PTPRD: variants seen among roughly 807,000 people sequenced by gnomAD.
The protein encoded by PTPRD is protein tyrosine phosphatase receptor type D, also known as receptor-type tyrosine-protein phosphatase delta.
Under a neutral mutation model 214.5 loss-of-function variants are expected in PTPRD, and 34 were observed. The ratio of observed to expected loss-of-function variants is 0.16; its 90% CI spans 0.12 to 0.21. The LOEUF (loss-of-function observed/expected upper bound fraction) is 0.21. Among genes scored for constraint, PTPRD ranks in the 10% least tolerant of loss-of-function variants. PTPRD has a pLI of 1.00. For missense variants in PTPRD, 2,545 were observed against 2,398.7 expected, an observed-to-expected ratio of 1.06 and a Z score of -1.27; for synonymous variants, 1,128 against 845.7, an observed-to-expected ratio of 1.33 and a Z score of -5.79.
In PTPRD at chr9:9,889,025, C is replaced by G. The variant is rs913630019; in HGVS notation, c.-368+49482G>C. ...GTGAAATAAGCTAGGTACAGAAAGA[C>G]AAACACTGCATGATCTCACTCATAT... On this transcript the variant is annotated intron_variant, in intron 5 of 45. Coordinates refer to ENST00000381196, the MANE Select transcript of PTPRD (RefSeq NM_002839.4). 5.3e-5 allele frequency among the ~76,000 whole-genome samples: 8 copies of G among 152,194 alleles called. No individual in the cohort carries two copies. The South Asian group carries it at 1.5e-3, about 28-fold the overall frequency.
intron 39 of PTPRD, among the ~76,000 whole-genome samples, chr9:8,366,562 G>A (rs1401913657): frequency 1.3e-5 from 2 of 152,162 alleles, no homozygotes; most frequent in African/African-American, 4.8e-5. Context: ...AAATAAGTGT[G>A]CTGTCCCAGA....
chr9:10,547,886 T>A (rs833456), intron 2 of PTPRD, among the ~76,000 whole-genome samples: 20,797 of 152,018 alleles, frequency 0.14, 2,154 homozygotes, highest in East Asian at 0.52. Flanking sequence ...TTGGTTGGGA[T>A]CGTGTTTTAA....
chr9:9,180,247 C>T (rs1381792466), intron 10 of PTPRD, among the ~76,000 whole-genome samples: 2 of 151,754 alleles, frequency 1.3e-5, no homozygotes, highest in African/African-American at 2.4e-5. Context: ...CACGTATACA[C>T]CATGGAATAC....
At chr9:8,852,142 C>T (rs894700875) in intron 11 of PTPRD, among the ~76,000 whole-genome samples, 7 of 152,080 alleles carry the variant, frequency 4.6e-5, no homozygotes, top group African/African-American at 1.7e-4. Flanking sequence ...ACAATTTCTC[C>T]AAACCCCAAA....
intron 2 of PTPRD, among the ~76,000 whole-genome samples, chr9:10,445,141 G>C (rs2098789865): frequency 6.6e-6 from 1 of 151,998 alleles, no homozygotes; most frequent in South Asian, 2.1e-4. Flanking sequence ...AAGGAAAAGA[G>C]AGCATAAAGG....
intron 4 of PTPRD, among the ~76,000 whole-genome samples, chr9:9,956,647 G>A (rs1445684251): frequency 6.6e-6 from 1 of 151,996 alleles, no homozygotes; most frequent in South Asian, 2.1e-4. Context: ...AGATAATTAA[G>A]GTAGGACATA....
intron 8 of PTPRD, among the ~76,000 whole-genome samples, chr9:9,567,500 G>C (rs917488681): frequency 3.3e-5 from 5 of 151,960 alleles, no homozygotes; most frequent in Non-Finnish European, 7.4e-5. Context: ...TACTTCCTAA[G>C]CAATCACCTG....
chr9:9,838,475 A>G (rs1198075390), intron 5 of PTPRD, among the ~76,000 whole-genome samples: 6 of 151,990 alleles, frequency 3.9e-5, no homozygotes, highest in African/African-American at 1.5e-4. Flanking sequence ...CTGGTGTGAG[A>G]TTGTATCTCA....
intron 2 of PTPRD, among the ~76,000 whole-genome samples, chr9:10,463,763 T>G (rs370159432): frequency 3.3e-5 from 5 of 152,020 alleles, no homozygotes; most frequent in African/African-American, 1.2e-4. Flanking sequence ...AAAAGAGGTG[T>G]GATCCAAGAA....
At chr9:9,459,411 T>A (rs2093420805) in intron 8 of PTPRD, among the ~76,000 whole-genome samples, 1 of 152,052 alleles carries the variant, frequency 6.6e-6, no homozygotes. Flanking sequence ...GAAAGTCAAA[T>A]TATCTCCGTT....
chr9:10,268,187 G>T (rs2094196374), intron 3 of PTPRD, among the ~76,000 whole-genome samples: 1 of 150,018 alleles, frequency 6.7e-6, no homozygotes, highest in Non-Finnish European at 1.5e-5. Flanking sequence ...CTACTCAGGA[G>T]GCTGATGCTG....
chr9:9,872,610 C>A (rs745332412), intron 5 of PTPRD, among the ~76,000 whole-genome samples: 1 of 151,914 alleles, frequency 6.6e-6, no homozygotes, highest in Non-Finnish European at 1.5e-5. Flanking sequence ...CCACCACCAC[C>A]ACCAATAAAA....
chr9:9,950,704 G>A (rs1308817238), intron 4 of PTPRD, among the ~76,000 whole-genome samples: 1 of 24,364 alleles, frequency 4.1e-5, no homozygotes, highest in Admixed American at 9.1e-4. Context: ...CAGCCTGGGC[G>A]ACAGCGAGAC....
intron 7 of PTPRD, among the ~76,000 whole-genome samples, chr9:9,607,644 C>T (rs914392917): frequency 1.3e-5 from 2 of 151,928 alleles, no homozygotes; most frequent in East Asian, 3.9e-4. Context: ...AACCTCAGAG[C>T]ATCCTGCAAA....
chr9:9,135,590 G>C (rs1569550861), intron 10 of PTPRD, among the ~76,000 whole-genome samples: 1 of 152,068 alleles, frequency 6.6e-6, no homozygotes, highest in African/African-American at 2.4e-5. Flanking sequence ...TGCGATAGGA[G>C]ACACTAAAGA....
At chr9:9,844,978 C>T (rs1290319034) in intron 5 of PTPRD, among the ~76,000 whole-genome samples, 1 of 148,994 alleles carries the variant, frequency 6.7e-6, no homozygotes, top group Non-Finnish European at 1.5e-5. Flanking sequence ...AAGTTACCAA[C>T]TTTAAATATG....
chr9:10,043,825 A>T (rs1002234888), intron 3 of PTPRD, among the ~76,000 whole-genome samples: 1 of 151,922 alleles, frequency 6.6e-6, no homozygotes, highest in African/African-American at 2.4e-5. Context: ...AGTCTATTTT[A>T]TCTTTAGTAA....
At chr9:9,367,522 G>A (rs1220183075) in intron 9 of PTPRD, among the ~76,000 whole-genome samples, 3 of 151,490 alleles carry the variant, frequency 2.0e-5, no homozygotes, top group Non-Finnish European at 3.0e-5. Flanking sequence ...AACTTTGGAT[G>A]TTTTTCCAGG....
chr9:8,945,199 A>G (rs1306869744), intron 11 of PTPRD, among the ~76,000 whole-genome samples: 1 of 140,546 alleles, frequency 7.1e-6, no homozygotes, highest in African/African-American at 2.6e-5. Flanking sequence ...GAATTTATCA[A>G]ACAGAAAATC....
Sources: gnomAD v4.1 joint callset for allele counts (sites outside exome capture counted in the v4.1 genomes callset) on GRCh38, gnomAD v4.1.1 for gene constraint, MANE v1.5 for transcripts, NCBI Gene and HGNC (gene_info 2026-07-23, HGNC 2026-07-21) for gene names.